BCLAF1: variants seen among roughly 807,000 people sequenced by gnomAD.
BCLAF1 encodes bcl-2-associated transcription factor 1.
BCLAF1 carries 10 observed loss-of-function variants against 99.5 expected under a neutral mutation model. The ratio of observed to expected loss-of-function variants is 0.10; its 90% CI spans 0.06 to 0.17. BCLAF1 has a LOEUF of 0.17. Ranked by LOEUF, BCLAF1 falls within the 10% of genes least tolerant of loss-of-function variation. BCLAF1 has a pLI of 1.00. For synonymous variants in BCLAF1, 255 were observed against 370.9 expected, an observed-to-expected ratio of 0.69 and a Z score of 3.59; for missense variants, 636 against 1,105.8, an observed-to-expected ratio of 0.58 and a Z score of 6.02.
At chr6:136,265,609 T>C (rs1258893976) in intron 11 of BCLAF1, among the ~76,000 whole-genome samples, 10 of 152,152 alleles carry the variant, frequency 6.6e-5, no homozygotes, top group Admixed American at 6.5e-4. Flanking sequence ...ATACCAACCA[T>C]CTAGCCATCT....
intron 1 of BCLAF1, among the ~76,000 whole-genome samples, chr6:136,284,831 GA>G (rs1423972088): frequency 1.6e-4 from 25 of 152,118 alleles, no homozygotes; most frequent in East Asian, 1.2e-3. Flanking sequence ...TGCCACATTG[GA>G]GGGGGGGGAA....
At chr6:136,268,788 C>T (rs1051347748) in intron 9 of BCLAF1, 6 of 165,698 alleles carry the variant, frequency 3.6e-5, no homozygotes, top group African/African-American at 1.4e-4. Flanking sequence ...TATGACATTA[C>T]AAATAACAGC....
At chr6:136,266,714 C>T (rs1781763673) in intron 11 of BCLAF1, among the ~76,000 whole-genome samples, 1 of 152,056 alleles carries the variant, frequency 6.6e-6, no homozygotes, top group Non-Finnish European at 1.5e-5. Context: ...ACAACTGTCA[C>T]TGTCTTATAG....
At chr6:136,289,483 A>G (rs1785664812) in intron 1 of BCLAF1, among the ~76,000 whole-genome samples, 2 of 151,114 alleles carry the variant, frequency 1.3e-5, no homozygotes, top group Non-Finnish European at 3.0e-5. Context: ...GTTCGCAAAC[A>G]CGCGCGCGCC....
chr6:136,257,738 T>C lies in BCLAF1; in HGVS notation c.*3372A>G, dbSNP rs1475195686. On this transcript the variant is annotated 3_prime_UTR_variant, in exon 13 of 13. Transcript: ENST00000531224. ...TCCCAATGACAATGAAGTTTATTCCTCCATTTGCCTTTCCTCTTCAACTCT... is the reference window on the plus strand; with the variant it reads ...TCCCAATGACAATGAAGTTTATTCCCCCATTTGCCTTTCCTCTTCAACTCT... 1 of 152,122 alleles carries C rather than the reference T, an allele frequency of 6.6e-6. No homozygotes were observed. The highest frequency in any genetic ancestry group is 1.5e-5 in the Non-Finnish European group (1 of 67,968). The allele number at this position is 152,122 out of a possible 1,614,324, so 9.4% of individuals were successfully genotyped here.
At chr6:136,279,133 A>T (rs1784010442) in intron 3 of BCLAF1, among the ~76,000 whole-genome samples, 1 of 152,154 alleles carries the variant, frequency 6.6e-6, no homozygotes, top group Admixed American at 6.6e-5. Flanking sequence ...GGCATGGCAT[A>T]ATATATAGTT....
chr6:136,278,887 T>G, intron 3 of BCLAF1, 111 bp from the exon 4 acceptor site: 1 of 1,133,380 alleles, frequency 8.8e-7, no homozygotes, highest in Non-Finnish European at 1.2e-6. Context: ...AAAAATACAC[T>G]TTTTTAAAAA....
rs867498596 is a variant in BCLAF1 at position 136,266,905 on chromosome 6, A to C, written c.2544+124T>G. On this transcript the variant is annotated intron_variant, in intron 11 of 12. Transcript: ENST00000531224. ...TTCAAATCGTCTGGGTAATTATTTT[A>C]AAAAAGGTTTCCCACATAACGGTGA... is the stretch of plus-strand genomic sequence containing the variant. 57 of 1,232,220 alleles carry C rather than the reference A, an allele frequency of 4.6e-5. No homozygotes were observed. In the Middle Eastern group the frequency reaches 2.6e-3, roughly 56 times the overall value. 76.3% of individuals were successfully genotyped at this position (1,232,220 alleles called of 1,614,324 possible). A position where few individuals can be genotyped will look rare whatever the true frequency, so the allele number is the denominator to read the frequency against.
intron 9 of BCLAF1, 90 bp downstream of exon 9, chr6:136,269,347 T>C (rs928159500): frequency 1.9e-6 from 3 of 1,577,128 alleles, no homozygotes; most frequent in South Asian, 1.2e-5. Flanking sequence ...AAACATTCGA[T>C]TACACAGTCA....
intron 3 of BCLAF1, among the ~76,000 whole-genome samples, chr6:136,279,325 T>C (rs1018607669): frequency 1.3e-5 from 2 of 152,176 alleles, no homozygotes; most frequent in Non-Finnish European, 2.9e-5. Flanking sequence ...AAGTATGTAT[T>C]ACTATTTTAA....
intron 6 of BCLAF1, 104 bp from the exon 7 acceptor site, chr6:136,273,291 G>A: frequency 1.1e-6 from 1 of 951,988 alleles, no homozygotes; most frequent in South Asian, 1.6e-5. Context: ...ATAAAAATAA[G>A]AAACCTAGCA....
Position 136,267,038 on chromosome 6 carries a change from C to G in BCLAF1, c.2535G>C (p.Lys845Asn), listed in dbSNP as rs760134383. The G allele has an allele frequency of 2.5e-6, 4 of 1,612,920 alleles. No individual in the cohort carries two copies. Among genetic ancestry groups the G allele is most frequent in the Non-Finnish European group, 3.4e-6 (4 of 1,179,202 alleles). The part of the protein sequence containing the change: ...WDPEYTPKSK[K>N]YFLHDDRDDG... Reference sequence around the variant, plus strand: ...GATGTCTAACACCCACCAAGAAGTACTTCTTGCTCTTTGGGGTATATTCTG... The same window carrying G: ...GATGTCTAACACCCACCAAGAAGTAGTTCTTGCTCTTTGGGGTATATTCTG... Residue 845 changes from lysine (K) to asparagine (N), a missense_variant, in exon 11 of 13, where the codon AAG becomes AAC. Physicochemically the swap from Lys to Asn is moderately conservative, Grantham distance 94. This residue lies in a region of BCLAF1 where 57 missense variants were observed against 116.7 expected (regional missense o/e 0.49). Coordinates refer to ENST00000531224, the MANE Select transcript of BCLAF1 (RefSeq NM_014739.3).
At chr6:136,261,871 A>G (rs1382447287) in intron 11 of BCLAF1, among the ~76,000 whole-genome samples, 3 of 152,194 alleles carry the variant, frequency 2.0e-5, no homozygotes, top group Admixed American at 6.5e-5. Context: ...ATAAAGATGC[A>G]GCAGAAAGTC....
intron 6 of BCLAF1, among the ~76,000 whole-genome samples, chr6:136,274,557 C>T (rs1384812480): frequency 6.6e-6 from 1 of 152,018 alleles, no homozygotes; most frequent in Admixed American, 6.6e-5. Context: ...TAACTATTCA[C>T]TGTTCTGATG....
chr6:136,268,523 A>T, intron 9 of BCLAF1, 184 bp from the exon 10 acceptor site: 1 of 591,468 alleles, frequency 1.7e-6, no homozygotes, highest in Non-Finnish European at 2.9e-6. Context: ...TATGTGTTTT[A>T]CATCAATAAT....
At chr6:136,284,153 TA>T (rs1353616301) in intron 1 of BCLAF1, among the ~76,000 whole-genome samples, 1 of 127,068 alleles carries the variant, frequency 7.9e-6, no homozygotes, top group East Asian at 2.2e-4. Flanking sequence ...TATATATATA[TA>T]TATATCCAGA....
At position 136,268,509 on chromosome 6, in the gene BCLAF1, T is replaced by C. The variant is rs745900883; in HGVS notation, c.2220-170A>G. On this transcript the variant is annotated intron_variant, in intron 9 of 12. Coordinates refer to ENST00000531224, the MANE Select transcript of BCLAF1 (RefSeq NM_014739.3). ...TGACACAGTCTGTTTCCATTCTCCTTCAATATGTGTTTTACATCAATAATG... is the reference window on the plus strand; with the variant it reads ...TGACACAGTCTGTTTCCATTCTCCTCCAATATGTGTTTTACATCAATAATG... The C allele has an allele frequency of 6.1e-5, 39 of 640,566 alleles. No homozygotes were observed. The South Asian group carries it at 7.3e-4, about 12-fold the overall frequency. The allele number at this position is 640,566 out of a possible 1,614,324, so 39.7% of individuals were successfully genotyped here.
intron 1 of BCLAF1, among the ~76,000 whole-genome samples, chr6:136,288,775 G>A (rs1334054027): frequency 1.3e-5 from 2 of 152,144 alleles, no homozygotes; most frequent in East Asian, 3.9e-4. Context: ...TAAAATGAAG[G>A]CAAAGTCCAA....
In BCLAF1 at chr6:136,275,832, T is replaced by C. The variant is rs1476484079; in HGVS notation, c.1682+11A>G. The C allele has an allele frequency of 6.2e-7, 1 of 1,605,522 alleles. No individual in the cohort carries two copies. Among genetic ancestry groups the C allele is most frequent in the Non-Finnish European group, 8.5e-7 (1 of 1,175,590 alleles). ...CCACAGATTATTTACTGGGCATCAA[T>C]ATGGAATTACCTGTTAGAATCATCA... On this transcript the variant is annotated intron_variant, in intron 5 of 12. Coordinates refer to ENST00000531224, the MANE Select transcript of BCLAF1 (RefSeq NM_014739.3).
Sources: gnomAD v4.1 joint callset for allele counts (sites outside exome capture counted in the v4.1 genomes callset) on GRCh38, gnomAD v4.1.1 for gene constraint, gnomAD v4.1.1 regional missense constraint, MANE v1.5 for transcripts, NCBI Gene and HGNC (gene_info 2026-07-23, HGNC 2026-07-21) for gene names.